WARS1: variants seen among roughly 807,000 people sequenced by gnomAD.
WARS1 encodes tryptophanyl-tRNA synthetase 1.
WARS1 carries 17 observed loss-of-function variants against 47.8 expected under a neutral mutation model. That is an observed-to-expected ratio of 0.36 (90% CI 0.24 to 0.53). The LOEUF (loss-of-function observed/expected upper bound fraction) is 0.53, where lower values mean the gene tolerates loss of function less well. Ranked by LOEUF, WARS1 falls within the 20% of genes least tolerant of loss-of-function variation. The pLI is 0.91. For synonymous variants in WARS1, 208 were observed against 228.1 expected (o/e 0.91, Z 0.79); for missense variants, 434 against 608.0 (o/e 0.71, Z 3.01).
At chr14:100,335,119 C>T (rs888420011) in intron 10 of WARS1, 83 bp from the exon 11 acceptor site, 4 of 1,423,436 alleles carry the variant, frequency 2.8e-6, no homozygotes, top group African/African-American at 1.4e-5. Flanking sequence ...CAGCTCAGCC[C>T]ACACCACCCA....
At chr14:100,362,151 G>A (rs943612979) in intron 2 of WARS1, among the ~76,000 whole-genome samples, 3 of 152,160 alleles carry the variant, frequency 2.0e-5, no homozygotes, top group African/African-American at 4.8e-5. Context: ...TCATTGGCTC[G>A]AAAACACTTC....
At chr14:100,342,328 G>T in intron 9 of WARS1, 70 bp downstream of exon 9, 1 of 1,592,188 alleles carries the variant, frequency 6.3e-7, no homozygotes, top group Non-Finnish European at 8.6e-7. Context: ...GCAGTGGTGT[G>T]TGTGTGCGTG....
At chr14:100,349,828 G>A (rs1160214074) in intron 6 of WARS1, among the ~76,000 whole-genome samples, 3 of 152,228 alleles carry the variant, frequency 2.0e-5, no homozygotes, top group African/African-American at 4.8e-5. Context: ...CAAAGAGGGC[G>A]ATGGCTGGCT....
intron 9 of WARS1, chr14:100,339,969 C>CA (rs1416852942): frequency 6.6e-6 from 1 of 152,266 alleles, no homozygotes; most frequent in Non-Finnish European, 1.5e-5. Flanking sequence ...ACGGTAGGCA[C>CA]ACAGCAGATG....
chr14:100,350,546 G>C (rs1250626758), intron 6 of WARS1, among the ~76,000 whole-genome samples: 1 of 152,130 alleles, frequency 6.6e-6, no homozygotes, highest in Non-Finnish European at 1.5e-5. Flanking sequence ...CTCAGGTGGT[G>C]GTCTTTTCAC....
chr14:100,355,640 A>G (rs1895262605), intron 4 of WARS1, among the ~76,000 whole-genome samples: 1 of 152,208 alleles, frequency 6.6e-6, no homozygotes, highest in Non-Finnish European at 1.5e-5. Context: ...TACAAGAGGA[A>G]TAACTACCTT....
chr14:100,343,455 G>T, intron 7 of WARS1, 68 bp from the exon 8 acceptor site: 1 of 1,173,888 alleles, frequency 8.5e-7, no homozygotes, highest in Non-Finnish European at 1.2e-6. Flanking sequence ...ATAAAGGAAT[G>T]AACAAAAACA....
At position 100,342,228 on chromosome 14, in the gene WARS1, G is replaced by A. The variant is rs140578385; in HGVS notation, c.1113+170C>T. Reference sequence around the variant, plus strand: ...TCACCTGATTCATGTGGGAAGGACAGGCTGCCTTGAGTTCTGCAGGGAGCA... The same window carrying A: ...TCACCTGATTCATGTGGGAAGGACAAGCTGCCTTGAGTTCTGCAGGGAGCA... On this transcript the variant is annotated intron_variant, in intron 9 of 10. Transcript: ENST00000392882. The A allele has an allele frequency of 5.7e-4, 469 of 823,898 alleles. 2 individuals carry two copies. The African/African-American group carries it at 6.2e-3, about 11-fold the overall frequency. 51.0% of individuals were successfully genotyped at this position (823,898 alleles called of 1,614,324 possible).
At chr14:100,361,176 C>G (rs1167875882) in intron 3 of WARS1, among the ~76,000 whole-genome samples, 1 of 152,174 alleles carries the variant, frequency 6.6e-6, no homozygotes, top group African/African-American at 2.4e-5. Context: ...CATTTCAGTT[C>G]TGTTTCTTCT....
intron 7 of WARS1, among the ~76,000 whole-genome samples, chr14:100,345,988 G>A (rs1004262600): frequency 9.9e-5 from 15 of 152,232 alleles, no homozygotes; most frequent in African/African-American, 2.9e-4. Flanking sequence ...GGAGAGCCCC[G>A]GCAGCGCATC....
chr14:100,359,809 T>A (rs1333359674), intron 4 of WARS1, among the ~76,000 whole-genome samples: 2 of 152,206 alleles, frequency 1.3e-5, no homozygotes, highest in Non-Finnish European at 2.9e-5. Context: ...AGGAAAATTT[T>A]TTATTATATT....
chr14:100,352,382 T>C (rs1466862060), intron 6 of WARS1, among the ~76,000 whole-genome samples: 1 of 152,094 alleles, frequency 6.6e-6, no homozygotes, highest in African/African-American at 2.4e-5. Flanking sequence ...CCTCCCAAAG[T>C]GCTGGGATTA....
In WARS1 at chr14:100,336,072, G is replaced by A. The variant is rs557599052; in HGVS notation, c.1254+990C>T. Among the ~76,000 whole-genome samples, 62 of 151,848 alleles carry A rather than the reference G, an allele frequency of 4.1e-4. 1 individual carries two copies. The South Asian group carries it at 0.01, about 25-fold the overall frequency. ...GGGTGGATCACGAGGTCGGGAGGTC[G>A]AGACCATCTTGAATAAGACGGTAAA... On this transcript the variant is annotated intron_variant, in intron 10 of 10. Coordinates refer to ENST00000392882, the MANE Select transcript of WARS1 (RefSeq NM_004184.4).
At chr14:100,367,082 C>CTGT (rs1896044461) in intron 2 of WARS1, among the ~76,000 whole-genome samples, 1 of 151,656 alleles carries the variant, frequency 6.6e-6, no homozygotes, top group African/African-American at 2.4e-5. Context: ...AAGGGTGGTA[C>CTGT]TGTACCTATG....
At chr14:100,347,969 G>A (rs1281460506) in intron 6 of WARS1, among the ~76,000 whole-genome samples, 1 of 152,224 alleles carries the variant, frequency 6.6e-6, no homozygotes, top group Non-Finnish European at 1.5e-5. Context: ...GGGAAAAGGG[G>A]GAAGGCTGGT....
At chr14:100,336,238 T>C (rs1253714166) in intron 10 of WARS1, among the ~76,000 whole-genome samples, 1 of 139,098 alleles carries the variant, frequency 7.2e-6, no homozygotes, top group Non-Finnish European at 1.5e-5. Context: ...ATTGCGCCAC[T>C]GCACTCCAGC....
chr14:100,368,488 T>C (rs1199186482), intron 2 of WARS1: 1 of 455,652 alleles, frequency 2.2e-6, no homozygotes, highest in African/African-American at 2.0e-5. Context: ...CAAGGAACAA[T>C]ATGATAAGCA....
intron 1 of WARS1, among the ~76,000 whole-genome samples, chr14:100,371,447 CAAA>C (rs60977618): frequency 7.9e-5 from 7 of 89,102 alleles, no homozygotes; most frequent in East Asian, 2.6e-4. Flanking sequence ...GGTTCTGTCT[CAAA>C]AAAAAAAAAA....
intron 2 of WARS1, chr14:100,365,895 A>G: frequency 2.5e-6 from 1 of 404,436 alleles, no homozygotes; most frequent in South Asian, 1.8e-5. Flanking sequence ...AAGGTGACCG[A>G]GTGTACACTG....
Sources: allele counts gnomAD v4.1 joint callset (sites outside exome capture counted in the v4.1 genomes callset), GRCh38; gene constraint gnomAD v4.1.1; transcripts MANE v1.5; gene names NCBI Gene and HGNC (gene_info 2026-07-23, HGNC 2026-07-21).